Variants in CDH18 observed in about 807,000 individuals in gnomAD.
CDH18 encodes the protein cadherin-18.
A neutral mutation model predicts 67.9 loss-of-function variants in CDH18; 31 were observed. The ratio of observed to expected loss-of-function variants is 0.46; its 90% confidence interval spans 0.34 to 0.62. CDH18 has a LOEUF of 0.62. Ranked by LOEUF, CDH18 falls within the 20% of genes least tolerant of loss-of-function variation. CDH18 has a pLI of 0.01. For missense variants in CDH18, 890 were observed against 975.5 expected (o/e 0.91, Z 1.17); for synonymous variants, 362 against 347.2 (o/e 1.04, Z -0.48).
At chr5:20,095,392 GAAGAAAGAAAGAAAGAAAGAAAGA>G (rs746033336) in intron 2 of CDH18, among the ~76,000 whole-genome samples, 3 of 64,126 alleles carry the variant, frequency 4.7e-5, no homozygotes, top group South Asian at 1.2e-3. Flanking sequence ...AAGAGAAACA[GAAGAAAGAAAGAAAGAAAGAAAGA>G]AAGAAAGAAA....
intron 2 of CDH18, among the ~76,000 whole-genome samples, chr5:20,105,934 G>A (rs1176264471): frequency 1.3e-5 from 2 of 151,986 alleles, no homozygotes; most frequent in Admixed American, 6.6e-5. Context: ...TTCCTGCTAC[G>A]TCTATAGGGC....
At chr5:20,397,176 G>A (rs1745352806) in intron 1 of CDH18, among the ~76,000 whole-genome samples, 1 of 152,096 alleles carries the variant, frequency 6.6e-6, no homozygotes, top group Non-Finnish European at 1.5e-5. Context: ...TGTTGCTCAA[G>A]GTGGAGTGCA....
At chr5:19,937,219 A>G (rs1019355738) in intron 2 of CDH18, among the ~76,000 whole-genome samples, 28 of 151,376 alleles carry the variant, frequency 1.8e-4, no homozygotes, top group African/African-American at 6.5e-4. Flanking sequence ...ATGGTTACAG[A>G]AAAGGGCCAG....
At chr5:20,265,081 T>C (rs1311861088) in intron 1 of CDH18, among the ~76,000 whole-genome samples, 2 of 152,140 alleles carry the variant, frequency 1.3e-5, no homozygotes. Context: ...TTATCTCAAT[T>C]TTGCCTGAGA....
chr5:20,384,312 T>C (rs1744139211), intron 1 of CDH18, among the ~76,000 whole-genome samples: 1 of 152,168 alleles, frequency 6.6e-6, no homozygotes, highest in Non-Finnish European at 1.5e-5. Context: ...TTTTGACAAT[T>C]TAGATATCAC....
intron 7 of CDH18, among the ~76,000 whole-genome samples, chr5:19,576,052 A>G (rs1423529824): frequency 6.6e-6 from 1 of 152,116 alleles, no homozygotes; most frequent in African/African-American, 2.4e-5. Flanking sequence ...TGGCAAGCAG[A>G]GCTACAGACT....
chr5:19,725,161 C>T (rs1336526173), intron 4 of CDH18, among the ~76,000 whole-genome samples: 1 of 151,922 alleles, frequency 6.6e-6, no homozygotes, highest in Non-Finnish European at 1.5e-5. Flanking sequence ...CTCCTGACCT[C>T]GTGATCCACC....
intron 2 of CDH18, among the ~76,000 whole-genome samples, chr5:19,892,503 A>G (rs1788882995): frequency 6.6e-6 from 1 of 152,132 alleles, no homozygotes; most frequent in Admixed American, 6.6e-5. Flanking sequence ...GCTAAGAGAC[A>G]GTCTCCAACG....
intron 1 of CDH18, among the ~76,000 whole-genome samples, chr5:20,320,328 G>C (rs147811661): frequency 1.3e-5 from 2 of 152,080 alleles, no homozygotes; most frequent in African/African-American, 2.4e-5. Flanking sequence ...CAGACAAAGA[G>C]TAAGACCATT....
chr5:19,874,546 AT>A (rs1786721637), intron 2 of CDH18, among the ~76,000 whole-genome samples: 2 of 152,346 alleles, frequency 1.3e-5, no homozygotes, highest in African/African-American at 4.8e-5. Flanking sequence ...ATTTAACATC[AT>A]AGTTTATAAT....
chr5:20,293,081 C>T (rs993400435), intron 1 of CDH18, among the ~76,000 whole-genome samples: 6 of 151,988 alleles, frequency 3.9e-5, no homozygotes, highest in African/African-American at 1.2e-4. Flanking sequence ...CTTTGGGAGG[C>T]CGAGGAGGGC....
chr5:19,836,490 C>T (rs1781651172), intron 3 of CDH18, among the ~76,000 whole-genome samples: 1 of 152,064 alleles, frequency 6.6e-6, no homozygotes, highest in African/African-American at 2.4e-5. Context: ...CTGTTCATAT[C>T]CTTTGCCTAC....
At chr5:19,757,266 T>C (rs372760896) in intron 3 of CDH18, among the ~76,000 whole-genome samples, 1 of 152,208 alleles carries the variant, frequency 6.6e-6, no homozygotes, top group Non-Finnish European at 1.5e-5. Flanking sequence ...AAGTGTCTAT[T>C]CCAGTGAAGA....
At chr5:20,188,659 C>A (rs545405606) in intron 2 of CDH18, among the ~76,000 whole-genome samples, 2 of 152,036 alleles carry the variant, frequency 1.3e-5, no homozygotes, top group East Asian at 3.9e-4. Context: ...AATAGTGGGA[C>A]TGACATTTTA....
At chr5:20,051,573 G>T (rs2150490896) in intron 2 of CDH18, among the ~76,000 whole-genome samples, 1 of 151,906 alleles carries the variant, frequency 6.6e-6, no homozygotes, top group East Asian at 1.9e-4. Context: ...ATTCATGAAG[G>T]TTTGTAACTA....
chr5:20,162,941 C>A (rs1442705762), intron 2 of CDH18, among the ~76,000 whole-genome samples: 1 of 151,918 alleles, frequency 6.6e-6, no homozygotes. Context: ...TGCCTGTGAT[C>A]CCAGCTACTT....
At chr5:20,476,372 A>G (rs930736143) in intron 1 of CDH18, among the ~76,000 whole-genome samples, 2 of 152,246 alleles carry the variant, frequency 1.3e-5, no homozygotes, top group Non-Finnish European at 1.5e-5. Context: ...TGAAAATAAA[A>G]TACCAACATA....
intron 4 of CDH18, among the ~76,000 whole-genome samples, chr5:19,723,933 A>C (rs1383137591): frequency 6.6e-6 from 1 of 151,710 alleles, no homozygotes; most frequent in East Asian, 1.9e-4. Flanking sequence ...CAGGCTGTGA[A>C]CTCCTGACCT....
chr5:20,014,149 G>C (rs920870476), intron 2 of CDH18, among the ~76,000 whole-genome samples: 3 of 152,096 alleles, frequency 2.0e-5, no homozygotes, highest in Non-Finnish European at 2.9e-5. Flanking sequence ...AATGACTTTA[G>C]TGCAGTCCAA....
Sources: gnomAD v4.1 joint callset for allele counts (sites outside exome capture counted in the v4.1 genomes callset) on GRCh38, gnomAD v4.1.1 for gene constraint, MANE v1.5 for transcripts, NCBI Gene and HGNC (gene_info 2026-07-23, HGNC 2026-07-21) for gene names.